ZZEF1: variants seen among roughly 807,000 people sequenced by gnomAD.
ZZEF1 encodes the protein zinc finger ZZ-type and EF-hand domain containing 1, also known as zinc finger ZZ-type and EF-hand domain-containing protein 1.
Under a neutral mutation model 342.8 loss-of-function variants are expected in ZZEF1, and 157 were observed. The ratio of observed to expected loss-of-function variants is 0.46; its 90% CI spans 0.40 to 0.52. The LOEUF is 0.52. Among genes scored for constraint, ZZEF1 ranks in the 20% least tolerant of loss-of-function variants. ZZEF1 has a pLI of 0.00. For missense variants in ZZEF1, 3,480 were observed against 3,725.6 expected (o/e 0.93, Z 1.72); for synonymous variants, 1,505 against 1,429.1 (o/e 1.05, Z -1.20).
intron 1 of ZZEF1, among the ~76,000 whole-genome samples, chr17:4,142,135 C>T (rs1428868000): frequency 6.6e-6 from 1 of 152,156 alleles, no homozygotes; most frequent in African/African-American, 2.4e-5. Flanking sequence ...ATTCGGCGCC[C>T]ACACTGAATT....
intron 2 of ZZEF1, among the ~76,000 whole-genome samples, chr17:4,123,297 A>C: frequency 9.9e-6 from 1 of 100,964 alleles, no homozygotes. Context: ...ATATATATAT[A>C]TATATATATA....
chr17:4,122,231 C>T (rs986592630), intron 2 of ZZEF1, among the ~76,000 whole-genome samples: 9 of 151,994 alleles, frequency 5.9e-5, no homozygotes, highest in Admixed American at 1.3e-4. Context: ...AAACCAAGAC[C>T]GAAAGGAAAA....
chr17:4,103,498 GA>G (rs1391118112), intron 8 of ZZEF1, among the ~76,000 whole-genome samples: 23 of 152,256 alleles, frequency 1.5e-4, no homozygotes, highest in African/African-American at 5.5e-4. Context: ...AGTGGGCTCA[GA>G]TTATGCCAGT....
At chr17:4,055,191 G>A (rs911922257) in intron 33 of ZZEF1, among the ~76,000 whole-genome samples, 4 of 152,170 alleles carry the variant, frequency 2.6e-5, no homozygotes, top group Non-Finnish European at 4.4e-5. Context: ...AAATCAGTAA[G>A]TCATACAGTA....
intron 1 of ZZEF1, among the ~76,000 whole-genome samples, chr17:4,128,092 T>C (rs9907342): frequency 0.15 from 23,545 of 151,958 alleles, 2,008 homozygotes; most frequent in African/African-American, 0.22. Flanking sequence ...ACGTCTGCAA[T>C]CCCAGCACTT....
intron 32 of ZZEF1, among the ~76,000 whole-genome samples, chr17:4,057,330 C>T (rs187522424): frequency 6.6e-6 from 1 of 152,268 alleles, no homozygotes; most frequent in East Asian, 1.9e-4. Context: ...TCCCCTTTTC[C>T]CTTGGAACCG....
rs1567870473 is a variant in ZZEF1 at position 4,132,691 on chromosome 17, GTGTGGTGGCGGGCGCC to G, written c.355-8656_355-8641del. Among the ~76,000 whole-genome samples, 55 of 131,338 alleles carry G rather than the reference GTGTGGTGGCGGGCGCC, an allele frequency of 4.2e-4. 2 individuals are homozygous for G. In the East Asian group the frequency reaches 0.014, roughly 33 times the overall value. The allele number at this position is 131,338 out of a possible 152,430, so 86.2% of individuals were successfully genotyped here. A position where few individuals can be genotyped will look rare whatever the true frequency, so the allele number is the denominator to read the frequency against. ...ACTAAAAATACAAAAAATTAGCCGG[GTGTGGTGGCGGGCGCC>G]TGTAATCCCAGCACTTTGGGAGGCC... On this transcript the variant is annotated intron_variant, in intron 1 of 54. Transcript: ENST00000381638.
intron 29 of ZZEF1, 77 bp downstream of exon 29, chr17:4,064,284 G>C: frequency 1.8e-6 from 2 of 1,119,516 alleles, no homozygotes; most frequent in Non-Finnish European, 2.6e-6. Flanking sequence ...TTTTTAACAT[G>C]AACTTCAAGC....
rs1185620567 is a variant in ZZEF1 at position 4,114,379 on chromosome 17, C to T, written c.786G>A (p.Ser262=). The T allele has an allele frequency of 5.0e-6, 8 of 1,612,022 alleles. No individual in the cohort carries two copies. Among genetic ancestry groups the T allele is most frequent in the East Asian group, 4.5e-5 (2 of 44,772 alleles). Residue 262 remains serine, a synonymous_variant, in exon 4 of 55, where the codon TCG becomes TCA. Transcript: ENST00000381638. ...CATTTGTCATCTTGTCAATGTCTGC[C>T]GAGTTGGAGGATGTTTCTATATAAG... ...CYAYIETSSN[S]ADIDKMTNGE...
intron 29 of ZZEF1, 151 bp from the exon 30 acceptor site, chr17:4,063,068 T>C: frequency 1.4e-6 from 1 of 727,284 alleles, no homozygotes; most frequent in African/African-American, 1.8e-5. Flanking sequence ...TACCAATACC[T>C]CTTTACTATT....
At position 4,112,478 on chromosome 17, in the gene ZZEF1, T is replaced by A. The variant is rs1376291315; in HGVS notation, c.1066+131A>T. On this transcript the variant is annotated intron_variant, in intron 5 of 54. Coordinates refer to ENST00000381638, the MANE Select transcript of ZZEF1 (RefSeq NM_015113.4). ...TATAATTTCTACAACACTTAATGAATGAAATAATGAACACTTTTGTGTACG... is the reference window on the plus strand; with the variant it reads ...TATAATTTCTACAACACTTAATGAAAGAAATAATGAACACTTTTGTGTACG... The A allele has an allele frequency of 3.2e-6, 3 of 937,192 alleles. No homozygotes were observed. In the African/African-American group the frequency reaches 4.9e-5, roughly 15 times the overall value. The allele number at this position is 937,192 out of a possible 1,614,324, so 58.1% of individuals were successfully genotyped here.
intron 16 of ZZEF1, among the ~76,000 whole-genome samples, chr17:4,083,912 CCTTT>C (rs1482534020): frequency 6.6e-6 from 1 of 152,106 alleles, no homozygotes; most frequent in Non-Finnish European, 1.5e-5. Flanking sequence ...TATCTAGTTT[CCTTT>C]GTCAAATTCT....
intron 29 of ZZEF1, among the ~76,000 whole-genome samples, chr17:4,063,982 C>A (rs2057337405): frequency 6.6e-6 from 1 of 152,020 alleles, no homozygotes; most frequent in African/African-American, 2.4e-5. Flanking sequence ...CCTGCCTCAG[C>A]CTCCCAAATT....
intron 9 of ZZEF1, 148 bp downstream of exon 9, chr17:4,102,169 C>T (rs112807957): frequency 1.6e-6 from 1 of 641,152 alleles, no homozygotes; most frequent in Non-Finnish European, 2.8e-6. Context: ...AACTACACCA[C>T]ACAAATTGCT....
intron 34 of ZZEF1, among the ~76,000 whole-genome samples, chr17:4,053,756 G>A (rs941838211): frequency 6.6e-6 from 1 of 152,222 alleles, no homozygotes; most frequent in African/African-American, 2.4e-5. Flanking sequence ...TGTAAACACT[G>A]CATGATTCAG....
At chr17:4,067,377 G>A (rs1013519153) in intron 26 of ZZEF1, 135 bp from the exon 27 acceptor site, 1 of 525,230 alleles carries the variant, frequency 1.9e-6, no homozygotes, top group African/African-American at 2.0e-5. Flanking sequence ...GATGGTAAGA[G>A]AGACTCAGGG....
At chr17:4,109,290 A>G (rs532711471) in intron 6 of ZZEF1, among the ~76,000 whole-genome samples, 2 of 152,198 alleles carry the variant, frequency 1.3e-5, no homozygotes, top group Non-Finnish European at 2.9e-5. Flanking sequence ...GGCTTTATCC[A>G]ACATCAAATC....
Position 4,013,456 on chromosome 17 carries a change from C to T in ZZEF1, c.8572G>A (p.Gly2858Ser), listed in dbSNP as rs748045982. 31 of 1,606,628 alleles carry T rather than the reference C, an allele frequency of 1.9e-5. No individual in the cohort carries two copies. The highest frequency in any genetic ancestry group is 2.5e-5 in the Non-Finnish European group (29 of 1,175,624). ...ATCCGGGACACCGCTTACCTGTGGC[C>T]GCAGCATCGCACAATCCTCAGAAGT... is the stretch of plus-strand genomic sequence containing the variant. ...HLLLRIVRCC[G>S]HSDLCDLALL... The change falls in exon 52 of 55, where the codon GGC (glycine) becomes AGC (serine). Residue 2858 changes from glycine to serine, a missense_variant. Gly to Ser is a moderately conservative substitution (Grantham distance 56). This residue lies in a region of ZZEF1 where 1,269 missense variants were observed against 1,342.4 expected (regional missense o/e 0.95). Coordinates refer to ENST00000381638, the MANE Select transcript of ZZEF1 (RefSeq NM_015113.4).
chr17:4,095,771 T>C (rs1597884463), intron 11 of ZZEF1, 60 bp downstream of exon 11: 5 of 1,525,110 alleles, frequency 3.3e-6, no homozygotes, highest in Non-Finnish European at 4.4e-6. Flanking sequence ...ACATTCTTAT[T>C]AACTACAAAG....
Sources: gnomAD v4.1 joint callset for allele counts (sites outside exome capture counted in the v4.1 genomes callset) on GRCh38, gnomAD v4.1.1 for gene constraint, gnomAD v4.1.1 regional missense constraint, MANE v1.5 for transcripts, NCBI Gene and HGNC (gene_info 2026-07-23, HGNC 2026-07-21) for gene names.